The following ANKS1B variants were observed in gnomAD, a reference collection of about 807,000 sequenced individuals.
ANKS1B encodes the protein ankyrin repeat and sterile alpha motif domain-containing protein 1B.
Under a neutral mutation model 148.3 loss-of-function variants are expected in ANKS1B, and 36 were observed. That is an observed-to-expected ratio of 0.24 (90% CI 0.19 to 0.32). ANKS1B has a LOEUF of 0.32. Ranked by LOEUF, ANKS1B falls within the 10% of genes least tolerant of loss-of-function variation. The probability of loss-of-function intolerance (pLI) is 1.00; values close to 1 mark genes in which losing one functional copy is unlikely to be tolerated. For synonymous variants in ANKS1B, 542 were observed against 560.8 expected, an observed-to-expected ratio of 0.97 and a Z score of 0.47; for missense variants, 1,157 against 1,542.6, an observed-to-expected ratio of 0.75 and a Z score of 4.19.
chr12:99,104,341 A>G (rs1208022225), intron 15 of ANKS1B, among the ~76,000 whole-genome samples: 1 of 152,232 alleles, frequency 6.6e-6, no homozygotes, highest in Non-Finnish European at 1.5e-5. Flanking sequence ...ACTTTTTAAA[A>G]GACATTAAAT....
intron 17 of ANKS1B, among the ~76,000 whole-genome samples, chr12:98,979,507 G>A (rs1442213324): frequency 6.6e-6 from 1 of 151,922 alleles, no homozygotes; most frequent in Non-Finnish European, 1.5e-5. Flanking sequence ...TCCTGAACTC[G>A]TGATCCACCC....
intron 1 of ANKS1B, among the ~76,000 whole-genome samples, chr12:99,870,053 T>G (rs909421661): frequency 6.6e-6 from 1 of 152,216 alleles, no homozygotes; most frequent in Non-Finnish European, 1.5e-5. Flanking sequence ...ACTCAGGTAG[T>G]GAGCATAGTA....
chr12:99,482,872 T>G (rs1264840920), intron 10 of ANKS1B, among the ~76,000 whole-genome samples: 1 of 152,054 alleles, frequency 6.6e-6, no homozygotes, highest in Non-Finnish European at 1.5e-5. Flanking sequence ...AACCTGAGAA[T>G]TTACTGAATT....
intron 25 of ANKS1B, among the ~76,000 whole-genome samples, chr12:98,769,185 T>TTTTTTTTTTTTG (rs2098534007): frequency 7.2e-6 from 1 of 139,834 alleles, no homozygotes; most frequent in Non-Finnish European, 1.5e-5. Flanking sequence ...TTTTTTTTTT[T>TTTTTTTTTTTTG]TTTTTTTTTG....
At chr12:99,521,887 C>T (rs56222089) in intron 9 of ANKS1B, among the ~76,000 whole-genome samples, 2,766 of 152,266 alleles carry the variant, frequency 0.018, 45 homozygotes, top group Non-Finnish European at 0.029. Flanking sequence ...TTTCTGGCTA[C>T]CACCTCTGTT....
At chr12:99,866,761 T>A (rs75644042) in intron 1 of ANKS1B, among the ~76,000 whole-genome samples, 2,277 of 152,238 alleles carry the variant, frequency 0.015, 65 homozygotes, top group African/African-American at 0.052. Context: ...TAAAAGAAAA[T>A]CTAAATGTAT....
At chr12:98,799,756 A>G (rs1381491023) in intron 21 of ANKS1B, among the ~76,000 whole-genome samples, 2 of 152,292 alleles carry the variant, frequency 1.3e-5, no homozygotes, top group Admixed American at 6.5e-5. Flanking sequence ...GGTTTTAAAC[A>G]AAATGTCTGA....
chr12:99,854,460 T>C (rs1440562170), intron 1 of ANKS1B, among the ~76,000 whole-genome samples: 2 of 152,154 alleles, frequency 1.3e-5, no homozygotes, highest in Non-Finnish European at 2.9e-5. Context: ...ATCTAAAAGT[T>C]TGGAAAACAT....
chr12:98,847,597 A>AT (rs11369276), intron 17 of ANKS1B, among the ~76,000 whole-genome samples: 138,395 of 151,878 alleles, frequency 0.91, 63,211 homozygotes, highest in East Asian at 1. Flanking sequence ...CAAGATCTTA[A>AT]TTTTTTTTCT....
At chr12:99,289,735 C>A (rs1023808514) in intron 12 of ANKS1B, among the ~76,000 whole-genome samples, 1 of 151,728 alleles carries the variant, frequency 6.6e-6, no homozygotes, top group African/African-American at 2.4e-5. Flanking sequence ...AAAATGGAAA[C>A]ACAACATATC....
intron 17 of ANKS1B, among the ~76,000 whole-genome samples, chr12:99,040,281 T>C (rs1045912640): frequency 1.8e-4 from 28 of 151,956 alleles, no homozygotes; most frequent in Admixed American, 1.3e-4. Flanking sequence ...TGTGCGTGTG[T>C]GTGTGTGTGT....
chr12:99,372,452 G>A (rs2093187754), intron 12 of ANKS1B, among the ~76,000 whole-genome samples: 1 of 152,046 alleles, frequency 6.6e-6, no homozygotes, highest in African/African-American at 2.4e-5. Context: ...AGAATATACT[G>A]CAGCTGTTTG....
At chr12:99,601,813 T>C (rs1239472851) in intron 9 of ANKS1B, among the ~76,000 whole-genome samples, 1 of 151,908 alleles carries the variant, frequency 6.6e-6, no homozygotes, top group African/African-American at 2.4e-5. Context: ...GTAGACTGAG[T>C]GAGGAAACCT....
chr12:98,742,720 C>T (rs2097810366), downstream of ANKS1B, among the ~76,000 whole-genome samples: 1 of 152,214 alleles, frequency 6.6e-6, no homozygotes, highest in Non-Finnish European at 1.5e-5. Context: ...AAGTTCAAAG[C>T]GCCGTCTCTG....
chr12:99,503,804 C>T (rs781378153), intron 10 of ANKS1B, among the ~76,000 whole-genome samples: 1 of 151,870 alleles, frequency 6.6e-6, no homozygotes, highest in African/African-American at 2.4e-5. Flanking sequence ...ATTTTTCTTA[C>T]AACTCCTTCA....
intron 17 of ANKS1B, among the ~76,000 whole-genome samples, chr12:99,050,885 A>G (rs988086413): frequency 1.3e-5 from 2 of 150,026 alleles, no homozygotes; most frequent in African/African-American, 4.9e-5. Flanking sequence ...TTTTTCATAG[A>G]GGCAGGGTTT....
chr12:99,734,948 C>T (rs1421121678), intron 8 of ANKS1B, among the ~76,000 whole-genome samples: 2 of 152,124 alleles, frequency 1.3e-5, no homozygotes, highest in Non-Finnish European at 2.9e-5. Context: ...CTCATTGTTC[C>T]TCCTTCTATG....
At chr12:99,649,648 T>C (rs1246757781) in intron 9 of ANKS1B, 3 of 426,242 alleles carry the variant, frequency 7.0e-6, no homozygotes, top group Non-Finnish European at 1.3e-5. Flanking sequence ...GGTGCTTCCA[T>C]GTCTTAATCT....
intron 8 of ANKS1B, among the ~76,000 whole-genome samples, chr12:99,758,043 G>A (rs371162992): frequency 1.3e-5 from 2 of 151,868 alleles, no homozygotes; most frequent in South Asian, 4.1e-4. Context: ...CATGGCACAA[G>A]TTTATCTATG....
Sources: allele counts gnomAD v4.1 joint callset (sites outside exome capture counted in the v4.1 genomes callset), GRCh38; gene constraint gnomAD v4.1.1; transcripts MANE v1.5; gene names NCBI Gene and HGNC (gene_info 2026-07-23, HGNC 2026-07-21).